The following STIM2 variants were observed in gnomAD, a reference collection of about 807,000 sequenced individuals.
STIM2 encodes the protein stromal interaction molecule 2.
In STIM2, 31 loss-of-function variants were observed where a neutral mutation model predicts 85.8. The observed-to-expected ratio is 0.36, with a 90% CI of 0.27 to 0.49. The LOEUF is 0.49. Among genes scored for constraint, STIM2 ranks in the 20% least tolerant of loss-of-function variants. The probability of loss-of-function intolerance (pLI) is 0.98; values close to 1 mark genes in which losing one functional copy is unlikely to be tolerated. For missense variants in STIM2, 841 were observed against 927.6 expected (o/e 0.91, Z 1.21); for synonymous variants, 356 against 331.1 (o/e 1.08, Z -0.82).
intron 2 of STIM2, among the ~76,000 whole-genome samples, chr4:26,934,285 C>T (rs773989641): frequency 6.6e-6 from 1 of 152,148 alleles, no homozygotes; most frequent in Non-Finnish European, 1.5e-5. Flanking sequence ...CTCAAAATTT[C>T]AAGTGGATTA....
intron 3 of STIM2, among the ~76,000 whole-genome samples, chr4:26,981,215 C>T (rs1727376873): frequency 6.6e-6 from 1 of 152,110 alleles, no homozygotes; most frequent in Admixed American, 6.5e-5. Flanking sequence ...TGTGAAATCT[C>T]GCTAATAAGT....
In STIM2 at chr4:26,972,005, G is replaced by A. The variant is rs1466284309; in HGVS notation, c.397+14279G>A. Among the ~76,000 whole-genome samples the A allele has an allele frequency of 2.0e-5, 3 of 152,128 alleles. No individual in the cohort carries two copies. The East Asian group carries it at 5.8e-4, about 29-fold the overall frequency. On this transcript the variant is annotated intron_variant, in intron 3 of 11. Transcript: ENST00000467087. ...GTATTTTATTCTCTTTGAAGCAGTT[G>A]TGAATGGGAGTTCACTCATGATTTG...
intron 3 of STIM2, among the ~76,000 whole-genome samples, chr4:26,994,238 G>A (rs1727872233): frequency 6.6e-6 from 1 of 152,042 alleles, no homozygotes; most frequent in African/African-American, 2.4e-5. Flanking sequence ...AACATAACGT[G>A]TCTTAAAACA....
intron 4 of STIM2, 70 bp downstream of exon 4, chr4:26,995,560 C>T (rs1217596826): frequency 1.1e-6 from 1 of 917,366 alleles, no homozygotes; most frequent in Non-Finnish European, 1.6e-6. Flanking sequence ...TTTCCCCATA[C>T]TGAATCTACA....
intron 1 of STIM2, among the ~76,000 whole-genome samples, chr4:26,886,851 G>C (rs573127191): frequency 6.6e-6 from 1 of 152,328 alleles, no homozygotes; most frequent in Middle Eastern, 3.4e-3. Context: ...TCACTGAAAT[G>C]ACACTCTAGA....
chr4:26,917,295 G>A (rs910141058), intron 1 of STIM2, among the ~76,000 whole-genome samples: 3 of 152,156 alleles, frequency 2.0e-5, no homozygotes, highest in Non-Finnish European at 4.4e-5. Flanking sequence ...TGCCTATACC[G>A]TTTACTTATT....
intron 3 of STIM2, among the ~76,000 whole-genome samples, chr4:26,960,328 G>A (rs1213162946): frequency 1.3e-5 from 2 of 152,118 alleles, no homozygotes; most frequent in African/African-American, 4.8e-5. Flanking sequence ...GTGTATGTGT[G>A]TATATATGTA....
intron 10 of STIM2, among the ~76,000 whole-genome samples, chr4:27,014,339 C>T (rs939850684): frequency 1.3e-5 from 2 of 151,846 alleles, no homozygotes; most frequent in African/African-American, 2.4e-5. Flanking sequence ...CCACCTTAGC[C>T]ACCTCCACAA....
chr4:26,996,311 T>A (rs560647281), intron 4 of STIM2, among the ~76,000 whole-genome samples: 20 of 152,228 alleles, frequency 1.3e-4, no homozygotes, highest in African/African-American at 4.6e-4. Flanking sequence ...TTGCAATGAT[T>A]CTACCAGAAT....
In STIM2 at chr4:26,999,276, T is replaced by C. The variant is rs1560235216; in HGVS notation, c.554T>C (p.Ile185Thr). The change falls in exon 5 of 12, where the codon ATC becomes ACC. Residue 185 changes from isoleucine (I) to threonine (T), a missense_variant. Transcript: ENST00000467087. Reference sequence around the variant, plus strand: ...TCATTTATGATCTCCCAGTTGAAAATCAGTGACCGGAGTCACAGACAAAAA... The same window carrying C: ...TCATTTATGATCTCCCAGTTGAAAACCAGTGACCGGAGTCACAGACAAAAA... The C allele has an allele frequency of 6.2e-7, 1 of 1,609,652 alleles. No individual in the cohort carries two copies. The highest frequency in any genetic ancestry group is 8.5e-7 in the Non-Finnish European group (1 of 1,177,866).
At chr4:27,000,304 A>T (rs1485049077) in intron 5 of STIM2, among the ~76,000 whole-genome samples, 2 of 152,176 alleles carry the variant, frequency 1.3e-5, no homozygotes, top group Non-Finnish European at 2.9e-5. Context: ...AAACAGCTGG[A>T]ACTCCCCATA....
At chr4:26,994,602 A>G (rs1727889968) in intron 3 of STIM2, among the ~76,000 whole-genome samples, 5 of 152,124 alleles carry the variant, frequency 3.3e-5, no homozygotes, top group Admixed American at 3.3e-4. Flanking sequence ...ACATTCTAAA[A>G]AAAGATTATT....
intron 1 of STIM2, chr4:26,874,315 A>C (rs1327006131): frequency 5.5e-6 from 2 of 364,770 alleles, no homozygotes. Context: ...TCTCCGGCGC[A>C]CAGAGGCCCC....
intron 1 of STIM2, among the ~76,000 whole-genome samples, chr4:26,862,993 C>T (rs975720117): frequency 1.3e-5 from 2 of 152,136 alleles, no homozygotes; most frequent in African/African-American, 2.4e-5. Context: ...ACATAATTGG[C>T]TAATGCTCTG....
chr4:26,983,587 G>A (rs1049590041), intron 3 of STIM2, among the ~76,000 whole-genome samples: 1 of 152,106 alleles, frequency 6.6e-6, no homozygotes. Context: ...ATTGGAATTG[G>A]CTAATTTTTC....
chr4:26,893,531 A>G (rs1182446515), intron 1 of STIM2, among the ~76,000 whole-genome samples: 1 of 152,208 alleles, frequency 6.6e-6, no homozygotes, highest in Non-Finnish European at 1.5e-5. Context: ...AATTTTGAAT[A>G]CACTGTAGTT....
At chr4:26,867,571 C>T (rs1299631212) in intron 1 of STIM2, among the ~76,000 whole-genome samples, 3 of 152,194 alleles carry the variant, frequency 2.0e-5, no homozygotes, top group Non-Finnish European at 4.4e-5. Context: ...GAGTCGAAGT[C>T]TCTCCGACCC....
chr4:26,892,118 C>T (rs1444421570), intron 1 of STIM2, among the ~76,000 whole-genome samples: 1 of 152,158 alleles, frequency 6.6e-6, no homozygotes, highest in Non-Finnish European at 1.5e-5. Flanking sequence ...GTGAGGCCTC[C>T]CCAGCCATGC....
chr4:27,016,778 C>T (rs1459701400), intron 10 of STIM2, among the ~76,000 whole-genome samples: 1 of 152,124 alleles, frequency 6.6e-6, no homozygotes, highest in Non-Finnish European at 1.5e-5. Flanking sequence ...AGTGAAGTTG[C>T]CCATGCTGAT....
Sources: gnomAD v4.1 joint callset for allele counts (sites outside exome capture counted in the v4.1 genomes callset) on GRCh38, gnomAD v4.1.1 for gene constraint, MANE v1.5 for transcripts, NCBI Gene and HGNC (gene_info 2026-07-23, HGNC 2026-07-21) for gene names.